RBFOX1: variants seen among roughly 807,000 people sequenced by gnomAD.
RBFOX1 encodes the protein RNA binding fox-1 homolog 1.
Under a neutral mutation model 57.7 loss-of-function variants are expected in RBFOX1, and 8 were observed. The ratio of observed to expected loss-of-function variants is 0.14; its 90% confidence interval spans 0.08 to 0.25. The LOEUF is 0.25. RBFOX1 is among the 10% of genes least tolerant of loss of function. The pLI is 1.00. For missense variants in RBFOX1, 611 were observed against 548.5 expected, an observed-to-expected ratio of 1.11 and a Z score of -1.14; for synonymous variants, 326 against 222.4, an observed-to-expected ratio of 1.47 and a Z score of -4.15.
intron 3 of RBFOX1, among the ~76,000 whole-genome samples, chr16:6,768,148 G>C (rs1419422955): frequency 2.0e-5 from 3 of 151,836 alleles, no homozygotes; most frequent in South Asian, 4.2e-4. Flanking sequence ...AGTGAGCAGA[G>C]ATTGTAACAC....
At chr16:5,804,506 A>G (rs994834579) in intron 3 of RBFOX1, among the ~76,000 whole-genome samples, 2 of 152,172 alleles carry the variant, frequency 1.3e-5, no homozygotes, top group African/African-American at 4.8e-5. Context: ...TATTTCCTAA[A>G]CTGATAAATC....
chr16:7,185,478 T>A lies in RBFOX1; in HGVS notation c.27+133380T>A, dbSNP rs576478749. Among the ~76,000 whole-genome samples, 6 of 152,300 alleles carry A rather than the reference T, an allele frequency of 3.9e-5. No homozygotes were observed. The South Asian group carries it at 1.0e-3, about 26-fold the overall frequency. ...CTAGATTAGAGCTATCTGGGTCTAG[T>A]GCCTCCAGTGATATTGCATCCTAAT... On this transcript the variant is annotated intron_variant, in intron 4 of 15. Coordinates refer to ENST00000550418, the MANE Select transcript of RBFOX1 (RefSeq NM_018723.4).
intron 4 of RBFOX1, among the ~76,000 whole-genome samples, chr16:7,470,447 G>C (rs1230515377): frequency 6.6e-6 from 1 of 151,970 alleles, no homozygotes; most frequent in Non-Finnish European, 1.5e-5. Context: ...ATGAATGAGT[G>C]GGTGGGTGGA....
In RBFOX1 at chr16:5,557,852, G is replaced by A. The variant is rs562232858; in HGVS notation, c.259-41050G>A. ...TTGGCCTGCCATGCCCCTCGTCCTG[G>A]CCCCGTATAAACTCAAGACCTTAGT... On this transcript the variant is annotated intron_variant, in intron 2 of 2. Coordinates refer to the RBFOX1 transcript ENST00000585867. 1.3e-5 allele frequency among the ~76,000 whole-genome samples: 2 copies of A among 152,170 alleles called. 1 individual carries two copies. The highest frequency in any genetic ancestry group is 1.3e-4 in the Admixed American group (2 of 15,278).
At position 5,955,341 on chromosome 16, in the gene RBFOX1, TAAAA is replaced by T. The variant is rs1567187724; in HGVS notation, c.351+88007_351+88010del. On this transcript the variant is annotated intron_variant, in intron 4 of 19. Transcript: ENST00000641259. ...TAAAATAAAATAAAATAAAATAAAATAAAATAAAATAAATAAAAATAAAATAAAA... is the reference window on the plus strand; with the variant it reads ...TAAAATAAAATAAAATAAAATAAAATTAAAATAAATAAAAATAAAATAAAA... 1.1e-3 allele frequency among the ~76,000 whole-genome samples: 45 copies of T among 42,276 alleles called. 1 individual carries two copies. Among genetic ancestry groups the T allele is most frequent in the Admixed American group, 2.2e-3 (8 of 3,578 alleles). The allele number at this position is 42,276 out of a possible 152,430, so 27.7% of individuals were successfully genotyped here.
At chr16:6,510,876 AG>A (rs139787723) in intron 2 of RBFOX1, among the ~76,000 whole-genome samples, 3,242 of 151,898 alleles carry the variant, frequency 0.021, 130 homozygotes, top group African/African-American at 0.075. Context: ...AAGGAAAAAA[AG>A]GTATGCCCTC....
intron 5 of RBFOX1, among the ~76,000 whole-genome samples, chr16:7,563,939 G>C (rs62009931): frequency 0.43 from 65,688 of 152,014 alleles, 14,868 homozygotes; most frequent in Admixed American, 0.51. Flanking sequence ...TAGGTGCTCA[G>C]TAAATATATT....
intron 3 of RBFOX1, among the ~76,000 whole-genome samples, chr16:6,661,699 C>T (rs145672834): frequency 2.6e-5 from 4 of 152,288 alleles, no homozygotes; most frequent in East Asian, 1.9e-4. Flanking sequence ...TCGAGCAAGA[C>T]GAAGTCAGCC....
At chr16:6,753,750 C>T (rs1445781836) in intron 3 of RBFOX1, among the ~76,000 whole-genome samples, 1 of 152,160 alleles carries the variant, frequency 6.6e-6, no homozygotes, top group Middle Eastern at 3.4e-3. Flanking sequence ...CTCTGGCCTC[C>T]TTGGATTTAT....
At chr16:6,382,502 TC>T (rs1424726659) in intron 2 of RBFOX1, among the ~76,000 whole-genome samples, 1 of 152,212 alleles carries the variant, frequency 6.6e-6, no homozygotes, top group Non-Finnish European at 1.5e-5. Flanking sequence ...TTTGTGCAGC[TC>T]TTTGGGCCTC....
chr16:5,903,562 C>T (rs547892398), intron 4 of RBFOX1, among the ~76,000 whole-genome samples: 1 of 152,132 alleles, frequency 6.6e-6, no homozygotes, highest in African/African-American at 2.4e-5. Flanking sequence ...AGGCAGGGGC[C>T]AGCCAGACAA....
chr16:6,871,348 G>T (rs766381021), intron 3 of RBFOX1, among the ~76,000 whole-genome samples: 15 of 152,148 alleles, frequency 9.9e-5, no homozygotes, highest in Middle Eastern at 3.4e-3. Context: ...ATCACGCCTG[G>T]CTAATTTTTG....
At chr16:6,075,404 A>G (rs2095884131) in intron 1 of RBFOX1, among the ~76,000 whole-genome samples, 1 of 152,236 alleles carries the variant, frequency 6.6e-6, no homozygotes, top group African/African-American at 2.4e-5. Flanking sequence ...CACTACAGAA[A>G]TAGCAGAGAA....
intron 1 of RBFOX1, among the ~76,000 whole-genome samples, chr16:5,398,271 G>A (rs890406444): frequency 3.3e-5 from 5 of 151,868 alleles, no homozygotes; most frequent in Non-Finnish European, 5.9e-5. Context: ...GGGTGTGCAC[G>A]TGCTGGTGTG....
intron 3 of RBFOX1, among the ~76,000 whole-genome samples, chr16:5,793,315 G>A (rs1270817116): frequency 6.6e-6 from 1 of 152,222 alleles, no homozygotes; most frequent in African/African-American, 2.4e-5. Context: ...GCTTAACCGT[G>A]TTTGTTTCTG....
At chr16:6,153,786 T>C (rs2096818771) in intron 1 of RBFOX1, among the ~76,000 whole-genome samples, 2 of 152,168 alleles carry the variant, frequency 1.3e-5, no homozygotes, top group South Asian at 2.1e-4. Context: ...TCTGCCCACC[T>C]CTTCCTCCCA....
intron 3 of RBFOX1, among the ~76,000 whole-genome samples, chr16:6,680,413 C>T (rs908904026): frequency 6.6e-6 from 1 of 151,926 alleles, no homozygotes; most frequent in Non-Finnish European, 1.5e-5. Context: ...CAGGCACCTG[C>T]CACCACACCT....
At chr16:5,609,627 C>A (rs913111008) in intron 3 of RBFOX1, among the ~76,000 whole-genome samples, 4 of 152,172 alleles carry the variant, frequency 2.6e-5, no homozygotes, top group Non-Finnish European at 5.9e-5. Flanking sequence ...GACCCTGTGA[C>A]CTGCATCCAA....
At chr16:6,146,366 C>T (rs2096758125) in intron 1 of RBFOX1, among the ~76,000 whole-genome samples, 1 of 152,200 alleles carries the variant, frequency 6.6e-6, no homozygotes, top group Non-Finnish European at 1.5e-5. Flanking sequence ...AGATTAGCCT[C>T]CAAAATTGTA....
Sources: gnomAD v4.1 joint callset for allele counts (sites outside exome capture counted in the v4.1 genomes callset) on GRCh38, gnomAD v4.1.1 for gene constraint, MANE v1.5 for transcripts, NCBI Gene and HGNC (gene_info 2026-07-23, HGNC 2026-07-21) for gene names.